Variants in TSPAN9 observed in about 807,000 individuals in gnomAD.
The protein encoded by TSPAN9 is tetraspanin-9.
Under a neutral mutation model 31.0 loss-of-function variants are expected in TSPAN9, and 16 were observed. The observed-to-expected ratio is 0.52, with a 90% CI of 0.35 to 0.78. The LOEUF (loss-of-function observed/expected upper bound fraction) is 0.78, where lower values mean the gene tolerates loss of function less well. Among genes scored for constraint, TSPAN9 ranks in the 30% least tolerant of loss-of-function variants. The pLI, the probability that TSPAN9 is intolerant of heterozygous loss-of-function variation, is 0.01. For synonymous variants in TSPAN9, 145 were observed against 121.6 expected (o/e 1.19, Z -1.27); for missense variants, 272 against 312.5 (o/e 0.87, Z 0.98).
chr12:3,276,038 C>T (rs1414766428), intron 3 of TSPAN9, among the ~76,000 whole-genome samples: 5 of 152,182 alleles, frequency 3.3e-5, no homozygotes, highest in Admixed American at 6.5e-5. Context: ...TGGTATGAGT[C>T]GTCCCCAGCT....
intron 2 of TSPAN9, among the ~76,000 whole-genome samples, chr12:3,129,099 C>T (rs986477623): frequency 1.3e-5 from 2 of 152,186 alleles, no homozygotes; most frequent in Non-Finnish European, 2.9e-5. Flanking sequence ...TGTCAGATTT[C>T]CTCCCTTTTT....
chr12:3,173,117 A>C (rs2098352988), intron 2 of TSPAN9: 1 of 152,458 alleles, frequency 6.6e-6, no homozygotes, highest in Non-Finnish European at 1.5e-5. Flanking sequence ...GGCTGTGCCC[A>C]CTGACCTGGT....
At chr12:3,194,767 C>A (rs1174741761) in intron 2 of TSPAN9, among the ~76,000 whole-genome samples, 1 of 152,200 alleles carries the variant, frequency 6.6e-6, no homozygotes, top group Non-Finnish European at 1.5e-5. Context: ...TTCTTTTCTA[C>A]CCCAACCCTT....
At chr12:3,158,302 T>C (rs1245554540) in intron 2 of TSPAN9, among the ~76,000 whole-genome samples, 1 of 152,168 alleles carries the variant, frequency 6.6e-6, no homozygotes, top group Non-Finnish European at 1.5e-5. Flanking sequence ...GGAGCTACCT[T>C]TCCCCAGCAC....
At chr12:3,134,653 C>T (rs572442529) in intron 2 of TSPAN9, among the ~76,000 whole-genome samples, 57 of 152,252 alleles carry the variant, frequency 3.7e-4, no homozygotes, top group African/African-American at 7.0e-4. Context: ...GTGGCATGGC[C>T]GATGGCTGTT....
chr12:3,281,428 G>A (rs1862892543), intron 7 of TSPAN9, 99 bp downstream of exon 7: 4 of 1,440,844 alleles, frequency 2.8e-6, no homozygotes, highest in Admixed American at 5.6e-5. Flanking sequence ...ACACTAAGAG[G>A]TTGGCTGAAT....
intron 3 of TSPAN9, among the ~76,000 whole-genome samples, chr12:3,216,203 G>A (rs117509499): frequency 0.024 from 3,694 of 152,318 alleles, 66 homozygotes; most frequent in Non-Finnish European, 0.036. Context: ...ATTGGCAGGA[G>A]TTGGACAGAT....
chr12:3,081,698 C>T (rs537099580), intron 1 of TSPAN9, among the ~76,000 whole-genome samples: 162 of 151,972 alleles, frequency 1.1e-3, no homozygotes, highest in Non-Finnish European at 1.8e-3. Flanking sequence ...GGATGCGGTG[C>T]CTCACATCTG....
In TSPAN9 at chr12:3,105,774, A is replaced by ATACACACTCACG. The variant is rs2098314141; in HGVS notation, c.-18+22055_-18+22056insTACACACTCACG. Reference sequence around the variant, plus strand: ...CACACACACGCACACACGCGCACGCACACACGCTCATACACACTCACGCAC... The same window carrying ATACACACTCACG: ...CACACACACGCACACACGCGCACGCATACACACTCACGCACACGCTCATACACACTCACGCAC... On this transcript the variant is annotated intron_variant, in intron 2 of 8. Transcript: ENST00000011898. Among the ~76,000 whole-genome samples, 66 of 137,094 alleles carry ATACACACTCACG rather than the reference A, an allele frequency of 4.8e-4. No individual in the cohort carries two copies. The South Asian group carries it at 9.6e-3, about 20-fold the overall frequency. 89.9% of individuals were successfully genotyped at this position (137,094 alleles called of 152,430 possible).
intron 2 of TSPAN9, among the ~76,000 whole-genome samples, chr12:3,093,422 A>G (rs2098305956): frequency 6.6e-6 from 1 of 152,278 alleles, no homozygotes; most frequent in African/African-American, 2.4e-5. Flanking sequence ...CAGCTCACCC[A>G]TAAAAGCTGG....
intron 2 of TSPAN9, among the ~76,000 whole-genome samples, chr12:3,155,388 C>G (rs2098341718): frequency 6.6e-6 from 1 of 152,168 alleles, no homozygotes; most frequent in East Asian, 1.9e-4. Context: ...GTGTTCTGAG[C>G]TTTTAGGAAA....
chr12:3,251,300 C>T (rs1862240027), intron 3 of TSPAN9, among the ~76,000 whole-genome samples: 1 of 152,140 alleles, frequency 6.6e-6, no homozygotes, highest in Non-Finnish European at 1.5e-5. Context: ...CAGTGAGCTG[C>T]CCCGGTGATG....
At chr12:3,276,281 A>C (rs1862785057) in intron 3 of TSPAN9, among the ~76,000 whole-genome samples, 1 of 151,712 alleles carries the variant, frequency 6.6e-6, no homozygotes, top group African/African-American at 2.4e-5. Flanking sequence ...TCTGCTGAAA[A>C]CCTCAGTGAG....
At chr12:3,180,709 A>G (rs374228359) in intron 2 of TSPAN9, among the ~76,000 whole-genome samples, 1 of 152,138 alleles carries the variant, frequency 6.6e-6, no homozygotes, top group Non-Finnish European at 1.5e-5. Flanking sequence ...ATGTTTCCAG[A>G]GTAAGTGCCT....
chr12:3,134,246 T>C (rs2098331074), intron 2 of TSPAN9, among the ~76,000 whole-genome samples: 1 of 152,184 alleles, frequency 6.6e-6, no homozygotes. Flanking sequence ...TTTTACTGTG[T>C]GAATGAATGG....
At chr12:3,267,367 G>A (rs1034427897) in intron 3 of TSPAN9, among the ~76,000 whole-genome samples, 6 of 152,228 alleles carry the variant, frequency 3.9e-5, no homozygotes, top group African/African-American at 1.4e-4. Flanking sequence ...CTGGGGAGGT[G>A]CTCTTCTCTC....
intron 3 of TSPAN9, among the ~76,000 whole-genome samples, chr12:3,276,660 T>C (rs74054960): frequency 0.023 from 3,472 of 152,336 alleles, 136 homozygotes; most frequent in African/African-American, 0.077. Flanking sequence ...GCCTTATTTT[T>C]CTTCGTGGCG....
At chr12:3,108,881 C>T (rs934145674) in intron 2 of TSPAN9, among the ~76,000 whole-genome samples, 1 of 151,304 alleles carries the variant, frequency 6.6e-6, no homozygotes, top group African/African-American at 2.4e-5. Context: ...TTCATGGGTA[C>T]AATATCATTA....
intron 3 of TSPAN9, among the ~76,000 whole-genome samples, chr12:3,224,090 ATT>A (rs1555154657): frequency 6.8e-6 from 1 of 147,102 alleles, no homozygotes; most frequent in Non-Finnish European, 1.5e-5. Flanking sequence ...AAAAAAAAAA[ATT>A]TTTTTTCTGA....
Sources: allele counts gnomAD v4.1 joint callset (sites outside exome capture counted in the v4.1 genomes callset), GRCh38; gene constraint gnomAD v4.1.1; transcripts MANE v1.5; gene names NCBI Gene and HGNC (gene_info 2026-07-23, HGNC 2026-07-21).